Variants in GALNT14 observed in about 807,000 individuals in gnomAD.
GALNT14 encodes polypeptide N-acetylgalactosaminyltransferase 14.
In GALNT14, 60 loss-of-function variants were observed where a neutral mutation model predicts 77.5. The ratio of observed to expected loss-of-function variants is 0.77; its 90% CI spans 0.63 to 0.96. The LOEUF is 0.96. Among genes scored for constraint, GALNT14 ranks in the 40% least tolerant of loss-of-function variants. GALNT14 has a pLI of 0.00. For synonymous variants in GALNT14, 280 were observed against 281.7 expected (o/e 0.99, Z 0.06); for missense variants, 710 against 731.0 (o/e 0.97, Z 0.33).
intron 12 of GALNT14, 76 bp downstream of exon 12, chr2:30,924,664 T>C: frequency 1.6e-6 from 2 of 1,255,112 alleles, no homozygotes; most frequent in South Asian, 2.5e-5. Context: ...GGTCATTGTC[T>C]GTCTCTTCTC....
At chr2:30,924,848 G>C in intron 11 of GALNT14, 25 bp from the exon 12 acceptor site, 1 of 1,602,716 alleles carries the variant, frequency 6.2e-7, no homozygotes, top group Non-Finnish European at 8.5e-7. Flanking sequence ...GTTGTGGACA[G>C]ACACAAAGAC....
intron 1 of GALNT14, among the ~76,000 whole-genome samples, chr2:31,075,828 C>T (rs76460100): frequency 1.3e-5 from 2 of 152,324 alleles, no homozygotes; most frequent in African/African-American, 4.8e-5. Flanking sequence ...CTGGGCTTTG[C>T]GACTCTGGGA....
At chr2:30,965,991 C>T (rs951475562) in intron 3 of GALNT14, among the ~76,000 whole-genome samples, 1 of 152,196 alleles carries the variant, frequency 6.6e-6, no homozygotes, top group Non-Finnish European at 1.5e-5. Context: ...CCTAACACCA[C>T]AGGCCTCTGT....
At chr2:30,909,100 A>C (rs1367958433), downstream of GALNT14, among the ~76,000 whole-genome samples, 1 of 152,102 alleles carries the variant, frequency 6.6e-6, no homozygotes, top group Non-Finnish European at 1.5e-5. Context: ...TAAAACCATA[A>C]AAACCCTAGA....
chr2:31,049,476 G>T (rs898606802), intron 1 of GALNT14, among the ~76,000 whole-genome samples: 1 of 152,192 alleles, frequency 6.6e-6, no homozygotes, highest in African/African-American at 2.4e-5. Flanking sequence ...AGAAGCAAGT[G>T]GCCACTGTGC....
At chr2:30,921,998 A>G (rs1008045801) in intron 13 of GALNT14, among the ~76,000 whole-genome samples, 2 of 152,186 alleles carry the variant, frequency 1.3e-5, no homozygotes, top group African/African-American at 4.8e-5. Context: ...ATGGGATCTA[A>G]GAGCAACCCT....
downstream of GALNT14, among the ~76,000 whole-genome samples, chr2:30,907,614 T>C (rs1323045110): frequency 9.2e-5 from 14 of 152,024 alleles, no homozygotes; most frequent in African/African-American, 3.4e-4. Flanking sequence ...GATTCACACC[T>C]GAATTCTACC....
intron 1 of GALNT14, among the ~76,000 whole-genome samples, chr2:31,107,925 C>G (rs1362531676): frequency 6.6e-6 from 1 of 152,142 alleles, no homozygotes; most frequent in Non-Finnish European, 1.5e-5. Context: ...ACAGCTGATT[C>G]TTTAGGACTA....
At chr2:31,079,940 C>T (rs1047853641) in intron 1 of GALNT14, among the ~76,000 whole-genome samples, 1 of 152,218 alleles carries the variant, frequency 6.6e-6, no homozygotes, top group Non-Finnish European at 1.5e-5. Context: ...ACTGCTCTGG[C>T]TTCCAGCAGT....
At chr2:31,016,236 G>GT (rs767270160) in intron 1 of GALNT14, among the ~76,000 whole-genome samples, 13 of 152,066 alleles carry the variant, frequency 8.5e-5, no homozygotes, top group Non-Finnish European at 1.5e-4. Flanking sequence ...TCCTCATGTG[G>GT]TTTTTTCTCT....
At position 31,071,914 on chromosome 2, in the gene GALNT14, C is replaced by T. The variant is rs903981668; in HGVS notation, c.129+66044G>A. On this transcript the variant is annotated intron_variant, in intron 1 of 14. Transcript: ENST00000349752. ...CCAAGAGCAGGCCCCCATGCAACTG[C>T]GCAGCCACACACCCAGAAAGCGGCC... is the stretch of plus-strand genomic sequence containing the variant. Among the ~76,000 whole-genome samples, 16 of 152,324 alleles carry T rather than the reference C, an allele frequency of 1.1e-4. No individual in the cohort carries two copies. The East Asian group carries it at 1.2e-3, about 11-fold the overall frequency.
chr2:31,040,119 G>T (rs1315408820), intron 1 of GALNT14, among the ~76,000 whole-genome samples: 2 of 152,032 alleles, frequency 1.3e-5, no homozygotes, highest in Non-Finnish European at 2.9e-5. Flanking sequence ...TATTTCTATT[G>T]TATACTGTCA....
At chr2:30,957,854 G>A (rs1423277335) in intron 4 of GALNT14, among the ~76,000 whole-genome samples, 1 of 152,178 alleles carries the variant, frequency 6.6e-6, no homozygotes, top group Non-Finnish European at 1.5e-5. Context: ...CTTCAGGTGA[G>A]GTGTCGGCAC....
chr2:31,026,702 T>C (rs1360750566), intron 1 of GALNT14, among the ~76,000 whole-genome samples: 1 of 152,216 alleles, frequency 6.6e-6, no homozygotes, highest in African/African-American at 2.4e-5. Flanking sequence ...TTCCAATCTC[T>C]GGCCTTTAGT....
At chr2:30,887,151 C>T in the GALNT14 span, among the ~76,000 whole-genome samples, 2 of 152,286 alleles carry the variant, frequency 1.3e-5, no homozygotes, top group African/African-American at 2.4e-5. Context: ...ATTGTTTCCA[C>T]GTTTGGCTAC....
At chr2:30,937,308 G>A (rs1666113145) in intron 9 of GALNT14, among the ~76,000 whole-genome samples, 1 of 152,222 alleles carries the variant, frequency 6.6e-6, no homozygotes, top group African/African-American at 2.4e-5. Context: ...CTGTGATGTG[G>A]GGCCTACTAC....
At chr2:31,051,150 C>T (rs940939168) in intron 1 of GALNT14, among the ~76,000 whole-genome samples, 9 of 152,292 alleles carry the variant, frequency 5.9e-5, no homozygotes, top group Non-Finnish European at 1.0e-4. Context: ...CCTTCCTTGG[C>T]CCTCTCCTCA....
Position 31,137,958 on chromosome 2 carries a change from C to G in GALNT14, c.129G>C (p.Lys43Asn). 1.9e-6 allele frequency: 3 copies of G among 1,612,084 alleles called. No homozygotes were observed. Among genetic ancestry groups the G allele is most frequent in the Non-Finnish European group, 2.5e-6 (3 of 1,179,030 alleles). The change falls in exon 1 of 15, where the codon AAG becomes AAC. Residue 43 changes from lysine (K) to asparagine (N), a missense_variant and splice_region_variant. Coordinates refer to ENST00000349752, the MANE Select transcript of GALNT14 (RefSeq NM_024572.4). ...VPTGPEVQTP[K>N]PSDADWDDLW... The stretch of plus-strand genomic sequence containing the variant: ...GCCAGCGCGCCGGCAAGCCGCCTAC[C>G]TTAGGGGTCTGCACTTCAGGTCCCG...
chr2:30,979,915 G>C (rs576580538), intron 2 of GALNT14, among the ~76,000 whole-genome samples: 1 of 152,122 alleles, frequency 6.6e-6, no homozygotes, highest in Non-Finnish European at 1.5e-5. Flanking sequence ...GCTGGCCCCC[G>C]GCTCTAAATC....
Sources: allele counts gnomAD v4.1 joint callset (sites outside exome capture counted in the v4.1 genomes callset), GRCh38; gene constraint gnomAD v4.1.1; transcripts MANE v1.5; gene names NCBI Gene and HGNC (gene_info 2026-07-23, HGNC 2026-07-21).